SLC2A9: variants seen among roughly 807,000 people sequenced by gnomAD.
The protein encoded by SLC2A9 is solute carrier family 2 member 9, also known as solute carrier family 2, facilitated glucose transporter member 9.
Under a neutral mutation model 50.6 loss-of-function variants are expected in SLC2A9, and 39 were observed. The ratio of observed to expected loss-of-function variants is 0.77; its 90% CI spans 0.60 to 1.01. SLC2A9 has a LOEUF of 1.01. Ranked by LOEUF, SLC2A9 falls within the 50% of genes least tolerant of loss-of-function variation. SLC2A9 has a pLI of 0.00. For synonymous variants in SLC2A9, 324 were observed against 276.9 expected (o/e 1.17, Z -1.69); for missense variants, 686 against 677.6 (o/e 1.01, Z -0.14).
intron 7 of SLC2A9, among the ~76,000 whole-genome samples, chr4:9,917,325 C>CTTTTTTTTTTTTT (rs55927201): frequency 3.4e-4 from 28 of 81,802 alleles, no homozygotes; most frequent in Non-Finnish European, 4.0e-4. Flanking sequence ...TTCTTTTTTC[C>CTTTTTTTTTTTTT]TTTTTTTTTT....
intron 3 of SLC2A9, chr4:9,782,269 C>G (rs1014821510): frequency 1.2e-5 from 20 of 1,613,838 alleles, no homozygotes; most frequent in Middle Eastern, 1.7e-4. Flanking sequence ...ACGTCTTCAT[C>G]GTGTCTCTGG....
rs1743740032 is a variant in SLC2A9, at chr4:9,920,523, C to G, written c.864G>C (p.Glu288Asp). 1 of 1,614,062 alleles carries G rather than the reference C, an allele frequency of 6.2e-7. No individual in the cohort carries two copies. Among genetic ancestry groups the G allele is most frequent in the South Asian group, 1.1e-5 (1 of 91,088 alleles). The part of the protein sequence containing the change: ...GKADVSQEVE[E>D]VLAESRVQRS... ...TCTGCACGCGGCTCTCAGCCAGGAC[C>G]TCCTCTACCTCTTGGGAAACGTCTG... The change falls in exon 7 of 12, where the codon GAG becomes GAC. Residue 288 changes from glutamate (E) to aspartate (D), a missense_variant. By Grantham distance (45) the Glu-to-Asp change is conservative. Transcript: ENST00000264784.
At chr4:9,995,102 C>A (rs1291832504) in intron 3 of SLC2A9, among the ~76,000 whole-genome samples, 1 of 152,164 alleles carries the variant, frequency 6.6e-6, no homozygotes, top group African/African-American at 2.4e-5. Context: ...AGCCACAGTG[C>A]AAGCTAGCTA....
At chr4:9,864,938 C>T (rs1732213925) in intron 10 of SLC2A9, among the ~76,000 whole-genome samples, 1 of 152,194 alleles carries the variant, frequency 6.6e-6, no homozygotes, top group Non-Finnish European at 1.5e-5. Context: ...GGCTGGAAGC[C>T]AGGAGAAAGG....
intron 10 of SLC2A9, among the ~76,000 whole-genome samples, chr4:9,862,340 T>A (rs907184585): frequency 6.6e-6 from 1 of 152,070 alleles, no homozygotes; most frequent in Admixed American, 6.5e-5. Context: ...CAACGTTCTT[T>A]TCCTTTGTCT....
chr4:9,881,156 G>T (rs577031315), intron 10 of SLC2A9, among the ~76,000 whole-genome samples: 19 of 152,268 alleles, frequency 1.2e-4, no homozygotes, highest in Non-Finnish European at 2.6e-4. Flanking sequence ...ACCAAGTGAT[G>T]GTAATATATT....
chr4:10,019,844 C>T (rs966351336), intron 1 of SLC2A9, among the ~76,000 whole-genome samples: 1 of 152,210 alleles, frequency 6.6e-6, no homozygotes, highest in Non-Finnish European at 1.5e-5. Flanking sequence ...GCCCTGCAGC[C>T]CCATCTAAGG....
chr4:9,852,660 A>C (rs1456633195), intron 10 of SLC2A9, among the ~76,000 whole-genome samples: 1 of 152,240 alleles, frequency 6.6e-6, no homozygotes, highest in Non-Finnish European at 1.5e-5. Flanking sequence ...GCAAGTGCTA[A>C]GGGAATTCAT....
downstream of SLC2A9, among the ~76,000 whole-genome samples, chr4:9,778,870 A>T (rs1226367288): frequency 2.6e-5 from 4 of 151,754 alleles, no homozygotes; most frequent in African/African-American, 4.8e-5. Context: ...CCCAGGCTGG[A>T]GTGCAGTGGT....
chr4:10,031,500 C>T (rs1333147869), intron 1 of SLC2A9, among the ~76,000 whole-genome samples: 1 of 152,254 alleles, frequency 6.6e-6, no homozygotes, highest in African/African-American at 2.4e-5. Flanking sequence ...AAGGAGGCCT[C>T]TCTGCTCCTG....
intron 10 of SLC2A9, among the ~76,000 whole-genome samples, chr4:9,856,104 A>G (rs988737052): frequency 3.9e-5 from 6 of 152,218 alleles, no homozygotes; most frequent in Admixed American, 6.5e-5. Flanking sequence ...AAAAACAAAA[A>G]TTGACTAATG....
chr4:9,984,683 C>T (rs147170567), intron 4 of SLC2A9, among the ~76,000 whole-genome samples: 2,637 of 152,284 alleles, frequency 0.017, 28 homozygotes, highest in Non-Finnish European at 0.025. Flanking sequence ...GACAATATAT[C>T]TTGAGTCTCC....
At chr4:9,790,064 T>C (rs1719706355) in intron 3 of SLC2A9, among the ~76,000 whole-genome samples, 1 of 152,244 alleles carries the variant, frequency 6.6e-6, no homozygotes, top group African/African-American at 2.4e-5. Flanking sequence ...AAAAGGAGGC[T>C]GAGAGAGGTT....
intron 10 of SLC2A9, among the ~76,000 whole-genome samples, chr4:9,862,252 C>A (rs968357447): frequency 6.6e-6 from 1 of 152,018 alleles, no homozygotes; most frequent in Non-Finnish European, 1.5e-5. Context: ...ACCAGAGGAA[C>A]CTACATGAAC....
intron 2 of SLC2A9, among the ~76,000 whole-genome samples, chr4:10,016,542 C>A (rs1010924000): frequency 1.3e-5 from 2 of 152,044 alleles, no homozygotes; most frequent in Non-Finnish European, 2.9e-5. Context: ...TAAAGGCCAC[C>A]CTGGCTGTGT....
intron 6 of SLC2A9, among the ~76,000 whole-genome samples, chr4:9,930,930 G>T (rs975575549): frequency 6.6e-6 from 1 of 152,156 alleles, no homozygotes; most frequent in African/African-American, 2.4e-5. Context: ...GGTCTCTAAA[G>T]CAAGCCCAGA....
intron 1 of SLC2A9, among the ~76,000 whole-genome samples, chr4:10,020,181 C>T (rs530485287): frequency 9.9e-5 from 15 of 152,124 alleles, no homozygotes; most frequent in Non-Finnish European, 1.6e-4. Flanking sequence ...GAAGGGAATG[C>T]GGGTCTCTTG....
At chr4:9,917,466 G>A (rs1743088495) in intron 7 of SLC2A9, among the ~76,000 whole-genome samples, 1 of 151,140 alleles carries the variant, frequency 6.6e-6, no homozygotes, top group Non-Finnish European at 1.5e-5. Context: ...CAGAGTAGCT[G>A]GGACTACAGG....
At chr4:9,988,237 T>C (rs944918936) in intron 3 of SLC2A9, among the ~76,000 whole-genome samples, 3 of 152,154 alleles carry the variant, frequency 2.0e-5, no homozygotes. Context: ...AAGAGTGAGT[T>C]GGTGGGATTT....
Sources: allele counts gnomAD v4.1 joint callset (sites outside exome capture counted in the v4.1 genomes callset), GRCh38; gene constraint gnomAD v4.1.1; transcripts MANE v1.5; gene names NCBI Gene and HGNC (gene_info 2026-07-23, HGNC 2026-07-21).